Variants in PRKCE observed in about 807,000 individuals in gnomAD.
The protein encoded by PRKCE is protein kinase C epsilon type.
In PRKCE, 16 loss-of-function variants were observed where a neutral mutation model predicts 85.4. The ratio of observed to expected loss-of-function variants is 0.19; its 90% CI spans 0.13 to 0.28. The LOEUF (loss-of-function observed/expected upper bound fraction) is 0.28, where lower values mean the gene tolerates loss of function less well. Among genes scored for constraint, PRKCE ranks in the 10% least tolerant of loss-of-function variants. The pLI is 1.00. For synonymous variants in PRKCE, 388 were observed against 371.5 expected (o/e 1.04, Z -0.51); for missense variants, 573 against 975.2 (o/e 0.59, Z 5.49).
At chr2:45,958,305 C>T (rs1311907957) in intron 2 of PRKCE, among the ~76,000 whole-genome samples, 5 of 150,738 alleles carry the variant, frequency 3.3e-5, no homozygotes, top group African/African-American at 7.3e-5. Flanking sequence ...GTCAGGGGTT[C>T]GAGACCAGCC....
At position 45,837,763 on chromosome 2, in the gene PRKCE, C is replaced by G. The variant is rs76103291; in HGVS notation, c.349-5237C>G. Reference sequence around the variant, plus strand: ...TGTTACCACGCCTGTAATCCCAGCACTCTGTGAGGCTGAGGTGGGAGGAAG... The same window carrying G: ...TGTTACCACGCCTGTAATCCCAGCAGTCTGTGAGGCTGAGGTGGGAGGAAG... On this transcript the variant is annotated intron_variant, in intron 1 of 14. Transcript: ENST00000306156. 4.4e-3 allele frequency among the ~76,000 whole-genome samples: 667 copies of G among 152,270 alleles called. 6 individuals are homozygous for G. The highest frequency in any genetic ancestry group is 0.015 in the African/African-American group (630 of 41,552).
intron 1 of PRKCE, among the ~76,000 whole-genome samples, chr2:45,833,970 T>A (rs1293322628): frequency 2.6e-5 from 4 of 152,232 alleles, no homozygotes; most frequent in Non-Finnish European, 5.9e-5. Flanking sequence ...CTCTCCACAT[T>A]AGTTTAGGCA....
At chr2:45,801,948 C>T (rs572123551) in intron 1 of PRKCE, among the ~76,000 whole-genome samples, 5 of 151,912 alleles carry the variant, frequency 3.3e-5, no homozygotes, top group Non-Finnish European at 4.4e-5. Context: ...ATCTAGGCTG[C>T]GGTTTGAAAG....
In PRKCE at chr2:46,004,320, A is replaced by C. The variant is rs1399930560; in HGVS notation, c.967-222A>C. 1 of 483,900 alleles carries C rather than the reference A, an allele frequency of 2.1e-6. No homozygotes were observed. The highest frequency in any genetic ancestry group is 3.8e-6 in the Non-Finnish European group (1 of 261,376). 30.0% of individuals were successfully genotyped at this position (483,900 alleles called of 1,614,324 possible). Reference sequence around the variant, plus strand: ...CCTTCTGTGAATGTAGGGAAGGTGCACTGAAATTCCTTTTGTGGTTCTTGC... The same window carrying C: ...CCTTCTGTGAATGTAGGGAAGGTGCCCTGAAATTCCTTTTGTGGTTCTTGC... On this transcript the variant is annotated intron_variant, in intron 7 of 14. Transcript: ENST00000306156. This position sits in a 1 kb window ranked among gnomAD's most constrained non-coding sequence, Gnocchi z 4.1.
chr2:46,025,668 G>C (rs1558975763), intron 10 of PRKCE, among the ~76,000 whole-genome samples: 1 of 152,138 alleles, frequency 6.6e-6, no homozygotes, highest in African/African-American at 2.4e-5. Context: ...TCTCATAAGG[G>C]ACTTTGTCAC....
intron 1 of PRKCE, among the ~76,000 whole-genome samples, chr2:45,686,734 T>G (rs1677327609): frequency 6.6e-6 from 1 of 152,188 alleles, no homozygotes; most frequent in Non-Finnish European, 1.5e-5. Flanking sequence ...ATATTTAAAC[T>G]ATATTTAAGT....
At chr2:45,839,155 T>C (rs555792191) in intron 1 of PRKCE, among the ~76,000 whole-genome samples, 251 of 151,630 alleles carry the variant, frequency 1.7e-3, no homozygotes, top group Non-Finnish European at 2.9e-3. Context: ...TTAACTAAGG[T>C]AAGGTGCCAA....
At chr2:46,167,899 G>A (rs1436150409) in intron 14 of PRKCE, 1 of 152,248 alleles carries the variant, frequency 6.6e-6, no homozygotes, top group African/African-American at 2.4e-5. Flanking sequence ...AGTCACCAGT[G>A]AGACCCTGTT....
intron 8 of PRKCE, among the ~76,000 whole-genome samples, chr2:46,006,867 A>G (rs1186310211): frequency 6.6e-6 from 1 of 152,242 alleles, no homozygotes; most frequent in Non-Finnish European, 1.5e-5. Flanking sequence ...TTTGTTAATA[A>G]TAAGCCCATT....
chr2:45,894,510 G>A (rs2103639859), intron 2 of PRKCE, among the ~76,000 whole-genome samples: 1 of 151,540 alleles, frequency 6.6e-6, no homozygotes, highest in South Asian at 2.1e-4. Flanking sequence ...TGCAGGGTGT[G>A]AAGGAAGGTG....
At chr2:46,042,295 C>T (rs940357869) in intron 10 of PRKCE, among the ~76,000 whole-genome samples, 4 of 152,210 alleles carry the variant, frequency 2.6e-5, no homozygotes, top group East Asian at 1.9e-4. Context: ...TTTCCCCCAG[C>T]GTCCTAGTCT....
intron 10 of PRKCE, among the ~76,000 whole-genome samples, chr2:46,080,950 A>C (rs1669007481): frequency 6.7e-6 from 1 of 149,162 alleles, no homozygotes; most frequent in Non-Finnish European, 1.5e-5. Context: ...TTAACTAAGC[A>C]GTAAGAATTT....
intron 1 of PRKCE, among the ~76,000 whole-genome samples, chr2:45,793,208 C>A (rs1169445395): frequency 6.6e-6 from 1 of 152,224 alleles, no homozygotes; most frequent in Non-Finnish European, 1.5e-5. Context: ...TGAGAGAGAG[C>A]TGCAGAGGAG....
chr2:45,975,057 C>G (rs549109322), intron 2 of PRKCE, among the ~76,000 whole-genome samples: 1 of 152,126 alleles, frequency 6.6e-6, no homozygotes, highest in African/African-American at 2.4e-5. Context: ...GAACAATGGC[C>G]TCTTTCTCAC....
intron 11 of PRKCE, among the ~76,000 whole-genome samples, chr2:46,106,499 A>G (rs527936882): frequency 6.6e-6 from 1 of 152,328 alleles, no homozygotes; most frequent in Admixed American, 6.5e-5. Context: ...GGCTTAAACA[A>G]TAGAAATGTA....
At chr2:46,035,408 C>T (rs531986315) in intron 10 of PRKCE, among the ~76,000 whole-genome samples, 2 of 152,334 alleles carry the variant, frequency 1.3e-5, no homozygotes, top group East Asian at 3.9e-4. Flanking sequence ...CTAGACCATA[C>T]CCCAGGGCAG....
intron 1 of PRKCE, among the ~76,000 whole-genome samples, chr2:45,817,911 G>A (rs1167857197): frequency 6.6e-6 from 1 of 152,160 alleles, no homozygotes; most frequent in African/African-American, 2.4e-5. Flanking sequence ...AAAGTGTCTG[G>A]GCAAGCTACA....
chr2:46,150,214 T>G (rs1676482247), intron 12 of PRKCE, among the ~76,000 whole-genome samples: 1 of 152,162 alleles, frequency 6.6e-6, no homozygotes, highest in African/African-American at 2.4e-5. Context: ...TGAATTTGAC[T>G]CTACATATTT....
intron 14 of PRKCE, among the ~76,000 whole-genome samples, chr2:46,172,296 C>T (rs1464576109): frequency 6.6e-6 from 1 of 152,246 alleles, no homozygotes; most frequent in Non-Finnish European, 1.5e-5. Context: ...GCGACATATC[C>T]AGGCCATTCC....
Sources: gnomAD v4.1 joint callset for allele counts (sites outside exome capture counted in the v4.1 genomes callset) on GRCh38, gnomAD v4.1.1 for gene constraint, Gnocchi (gnomAD v3.1) non-coding constraint, MANE v1.5 for transcripts, NCBI Gene and HGNC (gene_info 2026-07-23, HGNC 2026-07-21) for gene names.